TNC: variants seen among roughly 807,000 people sequenced by gnomAD.
TNC encodes tenascin C, also known as tenascin.
A neutral mutation model predicts 202.4 loss-of-function variants in TNC; 109 were observed. The observed-to-expected ratio is 0.54, with a 90% CI of 0.46 to 0.63. The LOEUF (loss-of-function observed/expected upper bound fraction) is 0.63. Ranked by LOEUF, TNC falls within the 30% of genes least tolerant of loss-of-function variation. The pLI is 0.00. For missense variants in TNC, 2,756 were observed against 2,833.3 expected, an observed-to-expected ratio of 0.97 and a Z score of 0.62; for synonymous variants, 1,007 against 1,089.7, an observed-to-expected ratio of 0.92 and a Z score of 1.50.
At chr9:115,089,478 ATCTC>A (rs34987920) in intron 2 of TNC, among the ~76,000 whole-genome samples, 32,203 of 148,448 alleles carry the variant, frequency 0.22, 3,926 homozygotes, top group African/African-American at 0.34. Flanking sequence ...CAAAATCCCT[ATCTC>A]TCTCTCTCTC....
At chr9:115,043,079 T>A (rs1830892097) in intron 17 of TNC, among the ~76,000 whole-genome samples, 1 of 152,116 alleles carries the variant, frequency 6.6e-6, no homozygotes, top group African/African-American at 2.4e-5. Context: ...ATACCTCCCC[T>A]CAAAACCCAG....
At chr9:115,023,038 A>C (rs1197944554) in intron 27 of TNC, among the ~76,000 whole-genome samples, 2 of 40,256 alleles carry the variant, frequency 5.0e-5, no homozygotes, top group Non-Finnish European at 1.1e-4. Flanking sequence ...GCAAATATGC[A>C]AAAAAAAAAA....
At chr9:115,101,711 G>A (rs1199610463) in intron 1 of TNC, among the ~76,000 whole-genome samples, 2 of 152,110 alleles carry the variant, frequency 1.3e-5, no homozygotes, top group Non-Finnish European at 2.9e-5. Context: ...GCCAAGTAAG[G>A]AGCTATTTTT....
In TNC at chr9:115,060,012, G is replaced by A. The variant is rs368678324; in HGVS notation, c.4034-10C>T. On this transcript the variant is annotated splice_polypyrimidine_tract_variant and intron_variant, in intron 13 of 27. Coordinates refer to ENST00000350763, the MANE Select transcript of TNC (RefSeq NM_002160.4). Reference sequence around the variant, plus strand: ...AGCTGTGGGAGATCCTCTGAAGAAGGACAGAAAAGTATTTGTCAGTTCTAT... The same window carrying A: ...AGCTGTGGGAGATCCTCTGAAGAAGAACAGAAAAGTATTTGTCAGTTCTAT... The A allele has an allele frequency of 1.2e-6, 2 of 1,605,304 alleles. No individual in the cohort carries two copies. The highest frequency in any genetic ancestry group is 1.3e-5 in the African/African-American group (1 of 74,720).
intron 1 of TNC, among the ~76,000 whole-genome samples, chr9:115,098,541 G>C (rs577459913): frequency 6.6e-6 from 1 of 152,262 alleles, no homozygotes; most frequent in East Asian, 1.9e-4. Context: ...TTTAGATAAA[G>C]ATGAAACTTC....
chr9:115,035,407 G>A (rs2131798562), intron 21 of TNC, 73 bp from the exon 22 acceptor site: 3 of 1,517,642 alleles, frequency 2.0e-6, no homozygotes, highest in East Asian at 4.8e-5. Flanking sequence ...TGGGTATCAA[G>A]AAGACTGGGT....
chr9:115,028,909 C>T (rs1829715806), intron 25 of TNC, among the ~76,000 whole-genome samples: 1 of 105,754 alleles, frequency 9.5e-6, no homozygotes, highest in Non-Finnish European at 1.8e-5. Flanking sequence ...TACTAAAGCT[C>T]TCAACATTAT....
rs980303329 is a variant in TNC at position 115,026,603 on chromosome 9, C to T, written c.6262G>A (p.Asp2088Asn). Residue 2088 changes from aspartate to asparagine, a missense_variant, in exon 26 of 28, where the codon GAC becomes AAC. Asp to Asn is a conservative substitution (Grantham distance 23). This residue lies in a region of TNC where 197 missense variants were observed against 287.3 expected (regional missense o/e 0.69). Transcript: ENST00000350763. The part of the protein sequence containing the change: ...DHGETAFAVY[D>N]KFSVGDAKTR... ...TTGGCATCTCCCACGCTGAACTTGTCATAGACAGCAAAGGCTGTCTCCCCA... is the reference window on the plus strand; with the variant it reads ...TTGGCATCTCCCACGCTGAACTTGTTATAGACAGCAAAGGCTGTCTCCCCA... The T allele has an allele frequency of 7.4e-6, 12 of 1,613,928 alleles. No individual in the cohort carries two copies. Among genetic ancestry groups the T allele is most frequent in the African/African-American group, 2.7e-5 (2 of 74,890 alleles).
chr9:115,075,181 A>G (rs1833750151), intron 9 of TNC, among the ~76,000 whole-genome samples: 1 of 152,008 alleles, frequency 6.6e-6, no homozygotes, highest in African/African-American at 2.4e-5. Context: ...TTCTTTTTGC[A>G]GTGCAAACTT....
At chr9:115,110,654 T>G (rs1377782830) in intron 1 of TNC, among the ~76,000 whole-genome samples, 2 of 152,330 alleles carry the variant, frequency 1.3e-5, no homozygotes, top group Admixed American at 6.5e-5. Flanking sequence ...AGGAATAGAT[T>G]GAGGGAGGAA....
chr9:115,023,531 T>A (rs971361595), intron 27 of TNC, among the ~76,000 whole-genome samples: 1 of 152,126 alleles, frequency 6.6e-6, no homozygotes, highest in African/African-American at 2.4e-5. Context: ...GAAAGTCAGC[T>A]TTTTCTGGGC....
At chr9:115,112,242 T>C (rs1220476197) in intron 1 of TNC, among the ~76,000 whole-genome samples, 1 of 152,190 alleles carries the variant, frequency 6.6e-6, no homozygotes, top group Non-Finnish European at 1.5e-5. Flanking sequence ...TGTTGCCAAC[T>C]GGCGGAAGAT....
chr9:115,064,819 G>A lies in TNC; in HGVS notation c.3315C>T (p.Ile1105=). The A allele has an allele frequency of 1.2e-6, 2 of 1,614,192 alleles. No individual in the cohort carries two copies. Among genetic ancestry groups the A allele is most frequent in the African/African-American group, 1.3e-5 (1 of 75,050 alleles). The stretch of plus-strand genomic sequence containing the variant: ...CCTTGTTGGCCTCCTGCACCTGAAT[G>A]ATAAAGTGCTCATAGGCCTGGTCAG... ...TAADQAYEHF[I]IQVQEANKVE... Residue 1105 remains isoleucine, a synonymous_variant, in exon 11 of 28, where the codon ATC becomes ATT. Coordinates refer to ENST00000350763, the MANE Select transcript of TNC (RefSeq NM_002160.4).
intron 1 of TNC, among the ~76,000 whole-genome samples, chr9:115,109,164 A>C (rs1815943428): frequency 6.6e-6 from 1 of 152,202 alleles, no homozygotes; most frequent in Non-Finnish European, 1.5e-5. Context: ...TTTCCACATG[A>C]CACACTTTTG....
At chr9:115,032,560 G>A (rs1197807682) in intron 22 of TNC, among the ~76,000 whole-genome samples, 1 of 152,162 alleles carries the variant, frequency 6.6e-6, no homozygotes, top group Non-Finnish European at 1.5e-5. Context: ...AAAACAATAT[G>A]ATGCCTGGGC....
intron 1 of TNC, among the ~76,000 whole-genome samples, chr9:115,106,461 G>A (rs1046567348): frequency 9.2e-5 from 14 of 152,150 alleles, no homozygotes; most frequent in African/African-American, 3.4e-4. Context: ...TAGAGTTGTT[G>A]GATTTGCAAA....
At chr9:115,082,859 G>T in intron 4 of TNC, 52 bp from the exon 5 acceptor site, 1 of 1,284,512 alleles carries the variant, frequency 7.8e-7, no homozygotes, top group Non-Finnish European at 1.1e-6. Flanking sequence ...TGTGTGATTG[G>T]GCAACGCGGC....
intron 1 of TNC, among the ~76,000 whole-genome samples, chr9:115,110,540 C>T (rs955295406): frequency 2.3e-4 from 35 of 152,138 alleles, no homozygotes; most frequent in African/African-American, 8.2e-4. Context: ...AGGCAGTGAA[C>T]AGATTTGCTT....
intron 1 of TNC, among the ~76,000 whole-genome samples, chr9:115,099,647 A>G (rs1169447738): frequency 6.6e-6 from 1 of 152,234 alleles, no homozygotes; most frequent in African/African-American, 2.4e-5. Flanking sequence ...AAGTTCTTTC[A>G]ACTGAAAGTG....
Sources: gnomAD v4.1 joint callset for allele counts (sites outside exome capture counted in the v4.1 genomes callset) on GRCh38, gnomAD v4.1.1 for gene constraint, gnomAD v4.1.1 regional missense constraint, MANE v1.5 for transcripts, NCBI Gene and HGNC (gene_info 2026-07-23, HGNC 2026-07-21) for gene names.